TANC1: variants seen among roughly 807,000 people sequenced by gnomAD.
TANC1 encodes protein TANC1.
A neutral mutation model predicts 149.7 loss-of-function variants in TANC1; 77 were observed. The ratio of observed to expected loss-of-function variants is 0.51; its 90% CI spans 0.43 to 0.62. The LOEUF (loss-of-function observed/expected upper bound fraction) is 0.62. TANC1 is among the 20% of genes least tolerant of loss of function. The pLI, the probability that TANC1 is intolerant of heterozygous loss-of-function variation, is 0.00. For missense variants in TANC1, 1,985 were observed against 2,321.8 expected (o/e 0.85, Z 2.98); for synonymous variants, 854 against 925.0 (o/e 0.92, Z 1.39).
chr2:158,996,977 G>A (rs2036188690), intron 1 of TANC1, among the ~76,000 whole-genome samples: 2 of 147,330 alleles, frequency 1.4e-5, no homozygotes, highest in South Asian at 2.1e-4. Context: ...GATGCAGACT[G>A]TGGCAAAAAA....
chr2:159,003,741 G>A (rs1429008077), intron 2 of TANC1, among the ~76,000 whole-genome samples: 1 of 152,296 alleles, frequency 6.6e-6, no homozygotes, highest in East Asian at 1.9e-4. Context: ...TCCAGCTGCC[G>A]CTGCCGCAGT....
At chr2:159,082,703 G>T (rs1300171982) in intron 3 of TANC1, among the ~76,000 whole-genome samples, 2 of 152,216 alleles carry the variant, frequency 1.3e-5, no homozygotes, top group African/African-American at 2.4e-5. Context: ...GGAGACAGAA[G>T]GGGGCAGGGA....
intron 2 of TANC1, among the ~76,000 whole-genome samples, chr2:159,039,051 A>G (rs1370515875): frequency 6.6e-6 from 1 of 151,978 alleles, no homozygotes; most frequent in African/African-American, 2.4e-5. Flanking sequence ...CTATTCAGGG[A>G]CTCAACTTCT....
At chr2:159,044,665 C>T (rs902836289) in intron 2 of TANC1, among the ~76,000 whole-genome samples, 1 of 152,058 alleles carries the variant, frequency 6.6e-6, no homozygotes, top group Admixed American at 6.6e-5. Flanking sequence ...ACAGTGGAGG[C>T]AGCAAGCAGG....
chr2:159,115,245 T>C (rs141655763), intron 4 of TANC1, among the ~76,000 whole-genome samples: 94 of 152,164 alleles, frequency 6.2e-4, no homozygotes, highest in African/African-American at 2.0e-3. Flanking sequence ...AGGTGTTTTA[T>C]TTTGGCAGTG....
chr2:159,028,774 T>G (rs1335616051), intron 2 of TANC1, among the ~76,000 whole-genome samples: 3 of 152,156 alleles, frequency 2.0e-5, no homozygotes, highest in Admixed American at 1.3e-4. Flanking sequence ...TAATTATGAT[T>G]ATTATTGTTG....
At chr2:159,097,946 C>T (rs2046300751) in intron 4 of TANC1, 112 bp downstream of exon 4, 2 of 907,842 alleles carry the variant, frequency 2.2e-6, no homozygotes, top group African/African-American at 3.3e-5. Flanking sequence ...TTCTTTGTCG[C>T]AGTATCTTCT....
intron 7 of TANC1, among the ~76,000 whole-genome samples, chr2:159,155,426 C>T (rs1263987365): frequency 3.3e-5 from 5 of 152,262 alleles, no homozygotes; most frequent in South Asian, 4.2e-4. Context: ...GTGTAATCTC[C>T]GGAGCATTTT....
Position 159,176,907 on chromosome 2 carries a change from A to ATTTTTTTT in TANC1, c.1902+402_1902+409dup, listed in dbSNP as rs10647127. ...TTGAAGGGAAAAATGAAGGTGAAAG[A>ATTTTTTTT]TTTTTTTTTTTTTTTTTTTTGAGAT... On this transcript the variant is annotated intron_variant, in intron 13 of 26. Coordinates refer to ENST00000263635, the MANE Select transcript of TANC1 (RefSeq NM_033394.3). Among the ~76,000 whole-genome samples the ATTTTTTTT allele has an allele frequency of 2.4e-4, 24 of 102,012 alleles. 1 individual carries two copies. The highest frequency in any genetic ancestry group is 3.7e-4 in the South Asian group (1 of 2,690). The allele number at this position is 102,012 out of a possible 152,430, so 66.9% of individuals were successfully genotyped here. A position where few individuals can be genotyped will look rare whatever the true frequency, so the allele number is the denominator to read the frequency against.
intron 3 of TANC1, among the ~76,000 whole-genome samples, chr2:159,082,659 G>A (rs1455655100): frequency 2.0e-5 from 3 of 152,158 alleles, no homozygotes; most frequent in African/African-American, 7.2e-5. Flanking sequence ...AGGGACCGTT[G>A]CTGTAAACAG....
chr2:159,230,059 T>C lies in TANC1; in HGVS notation c.4633T>C (p.Ser1545Pro). The change falls in exon 27 of 27, where the codon TCG becomes CCG. Residue 1545 changes from serine to proline, a missense_variant. Physicochemically the swap from Ser to Pro is moderately conservative, Grantham distance 74 (BLOSUM62 -1). Transcript: ENST00000263635. The surrounding 1 kb of genome is among the most constrained non-coding windows in gnomAD (Gnocchi z 4.4). ...KTSQHLGSGQSAVRNGSMKVQ... is the reference protein window; with the variant it reads ...KTSQHLGSGQPAVRNGSMKVQ... ...CAGCCAGCACCTGGGCTCTGGCCAG[T>C]CGGCAGTGAGAAATGGCAGTATGAA... 1.2e-6 allele frequency: 2 copies of C among 1,613,998 alleles called. No homozygotes were observed. The highest frequency in any genetic ancestry group is 1.7e-6 in the Non-Finnish European group (2 of 1,180,040).
intron 22 of TANC1, 108 bp downstream of exon 22, chr2:159,219,975 A>ATAGT (rs2059585039): frequency 1.4e-6 from 1 of 693,554 alleles, no homozygotes; most frequent in African/African-American, 2.1e-5. Flanking sequence ...GTGTCATCAG[A>ATAGT]GAGTGTGTGT....
rs1435813533 is a variant in TANC1 at position 159,225,708 on chromosome 2, G to A, written c.3832G>A (p.Ala1278Thr). 1 of 1,614,050 alleles carries A rather than the reference G, an allele frequency of 6.2e-7. No individual in the cohort carries two copies. Among genetic ancestry groups the A allele is most frequent in the Non-Finnish European group, 8.5e-7 (1 of 1,179,918 alleles). ...TGCAGGAAATGCTGCTTGGGCGATGGCCACTTCCAAACCTGATATCTTGAT... is the reference window on the plus strand; with the variant it reads ...TGCAGGAAATGCTGCTTGGGCGATGACCACTTCCAAACCTGATATCTTGAT... ...AKLGNAAWAM[A>T]TSKPDILIIL... The change falls in exon 24 of 27, where the codon GCC becomes ACC. Residue 1278 changes from alanine (A) to threonine (T), a missense_variant. By Grantham distance (58) the Ala-to-Thr change is moderately conservative. Around this residue, in one of 3 missense-constraint regions of TANC1, gnomAD observed 920 missense variants for 994.7 expected, o/e 0.92. Coordinates refer to ENST00000263635, the MANE Select transcript of TANC1 (RefSeq NM_033394.3).
chr2:159,151,855 T>C (rs1023373688), intron 7 of TANC1, among the ~76,000 whole-genome samples: 1 of 152,260 alleles, frequency 6.6e-6, no homozygotes, highest in African/African-American at 2.4e-5. Flanking sequence ...GAAATTCACA[T>C]ACCATAGTAT....
intron 4 of TANC1, among the ~76,000 whole-genome samples, chr2:159,128,888 G>T (rs915147516): frequency 6.6e-6 from 1 of 152,146 alleles, no homozygotes; most frequent in East Asian, 1.9e-4. Flanking sequence ...TTGCCATTAG[G>T]AATTGGCTAT....
chr2:159,230,998 G>A lies in TANC1; in HGVS notation c.5572G>A (p.Glu1858Lys), dbSNP rs1292306710. The A allele has an allele frequency of 6.2e-7, 1 of 1,609,740 alleles. No homozygotes were observed. Among genetic ancestry groups the A allele is most frequent in the African/African-American group, 1.3e-5 (1 of 74,622 alleles). The change falls in exon 27 of 27, where the codon GAG becomes AAG. Residue 1858 changes from glutamate (E) to lysine (K), a missense_variant. This residue lies in a region of TANC1 where 920 missense variants were observed against 994.7 expected (regional missense o/e 0.92). Coordinates refer to ENST00000263635, the MANE Select transcript of TANC1 (RefSeq NM_033394.3). This position sits in a 1 kb window ranked among gnomAD's most constrained non-coding sequence, Gnocchi z 4.4. Reference protein sequence around the residue: ...TAAKPKRSFIESNV With the variant: ...TAAKPKRSFIKSNV ...AGCCAAACCAAAGCGATCATTTATA[G>A]AGTCAAATGTGTGAACCTTAAGAAA... is the stretch of plus-strand genomic sequence containing the variant.
chr2:159,097,197 T>C (rs2046229682), intron 3 of TANC1, among the ~76,000 whole-genome samples: 1 of 152,164 alleles, frequency 6.6e-6, no homozygotes, highest in African/African-American at 2.4e-5. Flanking sequence ...TCTCACTTAG[T>C]CTTTTCTTAT....
intron 2 of TANC1, among the ~76,000 whole-genome samples, chr2:159,029,805 C>T (rs763918031): frequency 2.0e-4 from 30 of 152,174 alleles, no homozygotes; most frequent in Non-Finnish European, 3.2e-4. Flanking sequence ...AAGTGATCCT[C>T]CTGCCTCAGC....
intron 2 of TANC1, among the ~76,000 whole-genome samples, chr2:159,024,773 GATC>G (rs987814399): frequency 3.3e-5 from 5 of 151,816 alleles, no homozygotes; most frequent in African/African-American, 1.2e-4. Flanking sequence ...AAATCTTTTA[GATC>G]ATATTTAGAT....
Sources: allele counts gnomAD v4.1 joint callset (sites outside exome capture counted in the v4.1 genomes callset), GRCh38; gene constraint gnomAD v4.1.1; regional missense constraint gnomAD v4.1.1; non-coding constraint Gnocchi (gnomAD v3.1); transcripts MANE v1.5; gene names NCBI Gene and HGNC (gene_info 2026-07-23, HGNC 2026-07-21).